The following GTPBP10 variants were observed in gnomAD, a reference collection of about 807,000 sequenced individuals.
GTPBP10 encodes GTP binding protein 10.
GTPBP10 carries 38 observed loss-of-function variants against 44.8 expected under a neutral mutation model. That is an observed-to-expected ratio of 0.85 (90% CI 0.65 to 1.11). The LOEUF (loss-of-function observed/expected upper bound fraction) is 1.11. GTPBP10 is among the 50% of genes most tolerant of loss of function. The pLI is 0.00. For missense variants in GTPBP10, 462 were observed against 453.7 expected (o/e 1.02, Z -0.17); for synonymous variants, 152 against 150.6 (o/e 1.01, Z -0.07).
chr7:90,361,973 G>A (rs1470844869), intron 4 of GTPBP10, among the ~76,000 whole-genome samples: 3 of 152,164 alleles, frequency 2.0e-5, no homozygotes, highest in Non-Finnish European at 2.9e-5. Context: ...GATCAGTGGT[G>A]ATATCCCCTT....
intron 4 of GTPBP10, among the ~76,000 whole-genome samples, chr7:90,358,437 C>T (rs1368146166): frequency 2.6e-5 from 4 of 152,060 alleles, no homozygotes. Flanking sequence ...ACCAATGGAA[C>T]AGAATAGAGA....
chr7:90,353,042 AAATC>A (rs1391899419), intron 2 of GTPBP10, 33 bp downstream of exon 2: 3 of 1,426,344 alleles, frequency 2.1e-6, no homozygotes, highest in Non-Finnish European at 2.8e-6. Context: ...AAATTTTAGA[AAATC>A]AAACCCTTCT....
Position 90,362,911 on chromosome 7 carries a change from C to G in GTPBP10, c.464+7681C>G, listed in dbSNP as rs174071. Reference sequence around the variant, plus strand: ...AATGGCCTTCTTTGTCTCTTTTGATCTTTGTTGGTTTAAAGTCTGTTTTAT... The same window carrying G: ...AATGGCCTTCTTTGTCTCTTTTGATGTTTGTTGGTTTAAAGTCTGTTTTAT... On this transcript the variant is annotated intron_variant, in intron 4 of 9. Coordinates refer to ENST00000222511, the MANE Select transcript of GTPBP10 (RefSeq NM_033107.4). Among the ~76,000 whole-genome samples, 4 of 152,072 alleles carry G rather than the reference C, an allele frequency of 2.6e-5. No individual in the cohort carries two copies. In the South Asian group the frequency reaches 8.3e-4, roughly 32 times the overall value.
In GTPBP10 at chr7:90,352,941, G is replaced by A. The variant is rs767617648; in HGVS notation, c.159G>A (p.Met53Ile). 6.2e-7 allele frequency: 1 copy of A among 1,613,742 alleles called. No individual in the cohort carries two copies. The highest frequency in any genetic ancestry group is 1.7e-5 in the Admixed American group (1 of 59,976). Residue 53 changes from methionine to isoleucine, a missense_variant, in exon 2 of 10, where the codon ATG (methionine) becomes ATA (isoleucine). Transcript: ENST00000222511. ...GDVWVVAQNR[M>I]TLKQLKDRYP... ...TCTGGGTTGTAGCCCAGAACAGAAT[G>A]ACTTTAAAACAACTTAAAGACAGGT...
At chr7:90,352,048 A>G (rs1322546607) in intron 1 of GTPBP10, among the ~76,000 whole-genome samples, 1 of 152,212 alleles carries the variant, frequency 6.6e-6, no homozygotes, top group South Asian at 2.1e-4. Context: ...ACATGATTAG[A>G]GATCAGATCA....
chr7:90,357,422 A>G (rs921512152), intron 4 of GTPBP10, among the ~76,000 whole-genome samples: 2 of 152,194 alleles, frequency 1.3e-5, no homozygotes, highest in Non-Finnish European at 2.9e-5. Context: ...AAAAAACTAT[A>G]TGTTCCAGGA....
At chr7:90,368,697 C>CT (rs202066576) in intron 4 of GTPBP10, among the ~76,000 whole-genome samples, 2,063 of 152,264 alleles carry the variant, frequency 0.014, 55 homozygotes, top group African/African-American at 0.046. Context: ...TTCGTCTAAC[C>CT]TTTTTTGAAG....
intron 4 of GTPBP10, among the ~76,000 whole-genome samples, chr7:90,357,924 G>A (rs1795937358): frequency 2.0e-5 from 3 of 151,986 alleles, no homozygotes; most frequent in Admixed American, 6.6e-5. Context: ...TGTGTGCAAA[G>A]AGAAGTCTTA....
chr7:90,367,758 T>C (rs1249131197), intron 4 of GTPBP10, among the ~76,000 whole-genome samples: 4 of 152,232 alleles, frequency 2.6e-5, no homozygotes, highest in Non-Finnish European at 2.9e-5. Context: ...TGTCTTTTAA[T>C]TGGGGCATTT....
At chr7:90,359,856 C>G (rs1200213335) in intron 4 of GTPBP10, among the ~76,000 whole-genome samples, 2 of 152,194 alleles carry the variant, frequency 1.3e-5, no homozygotes, top group Non-Finnish European at 2.9e-5. Flanking sequence ...GAGATGGTAT[C>G]TCCTTGTGGT....
At position 90,385,418 on chromosome 7, in the gene GTPBP10, G is replaced by A. The variant is rs1348857632; in HGVS notation, c.*264G>A. ...AATTTCAGTTAGACAAGGCAACTGAGTTCAAGAGATCTGTTGTACAGCTTG... is the reference window on the plus strand; with the variant it reads ...AATTTCAGTTAGACAAGGCAACTGAATTCAAGAGATCTGTTGTACAGCTTG... On this transcript the variant is annotated 3_prime_UTR_variant, in exon 10 of 10. Coordinates refer to ENST00000222511, the MANE Select transcript of GTPBP10 (RefSeq NM_033107.4). 2 of 282,422 alleles carry A rather than the reference G, an allele frequency of 7.1e-6. No homozygotes were observed. The highest frequency in any genetic ancestry group is 4.4e-5 in the African/African-American group (2 of 45,398). The allele number at this position is 282,422 out of a possible 1,614,324, so 17.5% of individuals were successfully genotyped here. A position where few individuals can be genotyped will look rare whatever the true frequency, so the allele number is the denominator to read the frequency against.
chr7:90,368,102 A>AT lies in GTPBP10; in HGVS notation c.465-4051dup, dbSNP rs554646534. Among the ~76,000 whole-genome samples the AT allele has an allele frequency of 8.3e-3, 1,260 of 152,250 alleles. 14 individuals are homozygous for AT. The highest frequency in any genetic ancestry group is 0.028 in the African/African-American group (1,184 of 41,548). On this transcript the variant is annotated intron_variant, in intron 4 of 9. Coordinates refer to ENST00000222511, the MANE Select transcript of GTPBP10 (RefSeq NM_033107.4). ...ATTCTTTTCTTTAGGAATGTTGAAT[A>AT]TTGGCCCCCACTCTCTTCTGGCTTG...
chr7:90,369,277 T>C (rs1796203806), intron 4 of GTPBP10, among the ~76,000 whole-genome samples: 1 of 152,210 alleles, frequency 6.6e-6, no homozygotes, highest in Admixed American at 6.5e-5. Context: ...GGAGGCAGTC[T>C]GTCCCTTCTC....
chr7:90,360,725 T>G (rs1054953351), intron 4 of GTPBP10, among the ~76,000 whole-genome samples: 8 of 152,230 alleles, frequency 5.3e-5, no homozygotes, highest in Admixed American at 2.6e-4. Flanking sequence ...TAAATTACCT[T>G]GGGCAGTATG....
intron 3 of GTPBP10, among the ~76,000 whole-genome samples, chr7:90,354,764 T>C (rs1169247080): frequency 2.0e-5 from 3 of 152,188 alleles, no homozygotes; most frequent in African/African-American, 7.2e-5. Flanking sequence ...TCTTAAAATA[T>C]ATAACTAGGC....
intron 4 of GTPBP10, among the ~76,000 whole-genome samples, chr7:90,365,368 CTTT>C (rs59645149): frequency 2.2e-5 from 2 of 90,366 alleles, no homozygotes; most frequent in Admixed American, 1.4e-4. Context: ...TTGGGGTTTT[CTTT>C]TTTTTTTTTT....
rs964263327 is a variant in GTPBP10, at chr7:90,388,924, T to C, written c.*3770T>C. 1.3e-4 allele frequency: 20 copies of C among 152,244 alleles called. No individual in the cohort carries two copies. Among genetic ancestry groups the C allele is most frequent in the Admixed American group, 9.8e-4 (15 of 15,290 alleles). The allele number at this position is 152,244 out of a possible 1,614,324, so 9.4% of individuals were successfully genotyped here. A position where few individuals can be genotyped will look rare whatever the true frequency, so the allele number is the denominator to read the frequency against. On this transcript the variant is annotated 3_prime_UTR_variant, in exon 10 of 10. Coordinates refer to ENST00000222511, the MANE Select transcript of GTPBP10 (RefSeq NM_033107.4). The stretch of plus-strand genomic sequence containing the variant: ...ACAAATTTGCATTGTCATTAAGATA[T>C]ATTAAAAATAATTTTTCAAAGCAAC...
Position 90,385,362 on chromosome 7 carries a change from G to T in GTPBP10, c.*208G>T. ...TATCAAGGGCTGGTGGGGCAGTGGA[G>T]GATTGAGGAGATATTGGTCAAAATT... On this transcript the variant is annotated 3_prime_UTR_variant, in exon 10 of 10. Transcript: ENST00000222511. 2.5e-6 allele frequency: 1 copy of T among 395,674 alleles called. No individual in the cohort carries two copies. The highest frequency in any genetic ancestry group is 4.4e-6 in the Non-Finnish European group (1 of 224,876). 24.5% of individuals were successfully genotyped at this position (395,674 alleles called of 1,614,324 possible).
chr7:90,386,365 T>C lies in GTPBP10; in HGVS notation c.*1211T>C, dbSNP rs1218636579. 6.6e-6 allele frequency: 1 copy of C among 152,232 alleles called. No individual in the cohort carries two copies. Among genetic ancestry groups the C allele is most frequent in the Non-Finnish European group, 1.5e-5 (1 of 68,034 alleles). The allele number at this position is 152,232 out of a possible 1,614,324, so 9.4% of individuals were successfully genotyped here. On this transcript the variant is annotated 3_prime_UTR_variant, in exon 10 of 10. Transcript: ENST00000222511. ...ACAGAAACTAGAAGATAGCTGTTTA[T>C]GATTTGAGCTTTTGGAAAATTTTCG...
Sources: gnomAD v4.1 joint callset for allele counts (sites outside exome capture counted in the v4.1 genomes callset) on GRCh38, gnomAD v4.1.1 for gene constraint, MANE v1.5 for transcripts, NCBI Gene and HGNC (gene_info 2026-07-23, HGNC 2026-07-21) for gene names.